CIB2: variants seen among roughly 807,000 people sequenced by gnomAD.
The protein encoded by CIB2 is calcium and integrin-binding family member 2.
CIB2 carries 19 observed loss-of-function variants against 23.1 expected under a neutral mutation model. The ratio of observed to expected loss-of-function variants is 0.82; its 90% CI spans 0.57 to 1.21. The LOEUF (loss-of-function observed/expected upper bound fraction) is 1.21, where lower values mean the gene tolerates loss of function less well. Ranked by LOEUF, CIB2 falls within the 50% of genes most tolerant of loss-of-function variation. CIB2 has a pLI of 0.00. For synonymous variants in CIB2, 94 were observed against 91.7 expected, an observed-to-expected ratio of 1.03 and a Z score of -0.14; for missense variants, 220 against 241.5, an observed-to-expected ratio of 0.91 and a Z score of 0.59.
chr15:78,119,040 C>T (rs8028842), intron 2 of CIB2, among the ~76,000 whole-genome samples: 13,657 of 151,412 alleles, frequency 0.09, 1,145 homozygotes, highest in African/African-American at 0.22. Flanking sequence ...ATTAGCCGAG[C>T]GTGTTGGTAC....
rs769866130 is a variant in CIB2, at chr15:78,105,106, C to T, written c.*205G>A. 1 of 660,796 alleles carries T rather than the reference C, an allele frequency of 1.5e-6. No individual in the cohort carries two copies. The highest frequency in any genetic ancestry group is 1.8e-5 in the African/African-American group (1 of 54,592). 40.9% of individuals were successfully genotyped at this position (660,796 alleles called of 1,614,324 possible). ...GAGGCCATGGGTCCCGGGGCTGGAC[C>T]ACAGCGGGGCTGTGGGAAGGGTCCT... On this transcript the variant is annotated 3_prime_UTR_variant, in exon 6 of 6. Transcript: ENST00000258930.
chr15:78,122,319 G>T (rs1171642287), intron 2 of CIB2, among the ~76,000 whole-genome samples: 1 of 152,222 alleles, frequency 6.6e-6, no homozygotes, highest in Admixed American at 6.5e-5. Flanking sequence ...AAAGGCCGAG[G>T]CAAGGGGCTT....
chr15:78,105,251 C>G lies in CIB2; in HGVS notation c.*60G>C. ...TTTCCTGGGGAGCTTGGAGGCCACA[C>G]CCATGTGACTGCAGGGCAGGATGGT... On this transcript the variant is annotated 3_prime_UTR_variant, in exon 6 of 6. Transcript: ENST00000258930. The G allele has an allele frequency of 6.2e-7, 1 of 1,610,670 alleles. No individual in the cohort carries two copies. The highest frequency in any genetic ancestry group is 1.3e-5 in the African/African-American group (1 of 74,952).
chr15:78,108,914 C>G (rs771972877), intron 4 of CIB2, among the ~76,000 whole-genome samples: 30 of 152,256 alleles, frequency 2.0e-4, no homozygotes, highest in Non-Finnish European at 4.3e-4. Flanking sequence ...CGCCCTCTGT[C>G]AGGTCTGCCA....
In CIB2 at chr15:78,105,208, C is replaced by G. The variant is rs2074047126; in HGVS notation, c.*103G>C. On this transcript the variant is annotated 3_prime_UTR_variant, in exon 6 of 6. Coordinates refer to ENST00000258930, the MANE Select transcript of CIB2 (RefSeq NM_006383.4). ...CACAGGATATATTTGTGGTGTAAAC[C>G]CCAGAGGCTGCCACTGCTTTCCTGG... 2 of 1,504,872 alleles carry G rather than the reference C, an allele frequency of 1.3e-6. No homozygotes were observed. The highest frequency in any genetic ancestry group is 1.8e-5 in the Admixed American group (1 of 54,850). The allele number at this position is 1,504,872 out of a possible 1,614,324, so 93.2% of individuals were successfully genotyped here.
chr15:78,109,234 C>T lies in CIB2; in HGVS notation c.346+1G>A. The T allele has an allele frequency of 6.9e-7, 1 of 1,442,044 alleles. No individual in the cohort carries two copies. The highest frequency in any genetic ancestry group is 9.4e-7 in the Non-Finnish European group (1 of 1,066,654). 89.3% of individuals were successfully genotyped at this position (1,442,044 alleles called of 1,614,324 possible). A position where few individuals can be genotyped will look rare whatever the true frequency, so the allele number is the denominator to read the frequency against. ...AGGCCCCCTCCTCTAGCCCTGGTTA[C>T]CATAGATCTTGAAGGCATAGTTTGC... On this transcript the variant is annotated splice_donor_variant, in intron 4 of 5. Coordinates refer to ENST00000258930, the MANE Select transcript of CIB2 (RefSeq NM_006383.4). LOFTEE classifies it high-confidence loss of function.
At chr15:78,112,735 CA>C (rs1282586214) in intron 2 of CIB2, among the ~76,000 whole-genome samples, 1 of 152,196 alleles carries the variant, frequency 6.6e-6, no homozygotes, top group Non-Finnish European at 1.5e-5. Context: ...CTGCCACCCC[CA>C]AAGCCAGATC....
intron 2 of CIB2, chr15:78,120,703 G>T (rs2074305851): frequency 1.0e-6 from 1 of 985,508 alleles, no homozygotes; most frequent in Non-Finnish European, 1.2e-6. Context: ...TTGGAGGCGG[G>T]CTATCTGTGA....
At chr15:78,106,531 T>C (rs2074073282) in intron 4 of CIB2, among the ~76,000 whole-genome samples, 1 of 152,070 alleles carries the variant, frequency 6.6e-6, no homozygotes, top group Admixed American at 6.5e-5. Context: ...GGGAACATGG[T>C]TTGATTCTAC....
At chr15:78,131,464 G>A (rs1350232952), upstream of CIB2, 2 of 169,806 alleles carry the variant, frequency 1.2e-5, no homozygotes, top group South Asian at 4.0e-4. The surrounding 1 kb of genome is among the most constrained non-coding windows in gnomAD (Gnocchi z 5.8). Flanking sequence ...ACCCGGCTCC[G>A]CGGCTGCAGC....
intron 2 of CIB2, among the ~76,000 whole-genome samples, chr15:78,119,429 G>C (rs924721314): frequency 6.6e-6 from 1 of 152,070 alleles, no homozygotes; most frequent in East Asian, 1.9e-4. Context: ...CAATTCTTTT[G>C]GGTATATACC....
chr15:78,105,530 T>C, intron 5 of CIB2, 198 bp from the exon 6 acceptor site: 1 of 1,481,506 alleles, frequency 6.7e-7, no homozygotes, highest in Non-Finnish European at 8.9e-7. Context: ...CCCCCACTTA[T>C]CACTGAAGGG....
intron 4 of CIB2, among the ~76,000 whole-genome samples, chr15:78,108,888 G>A (rs906818224): frequency 6.7e-6 from 1 of 150,360 alleles, no homozygotes; most frequent in Non-Finnish European, 1.5e-5. Flanking sequence ...GCGCTTCCCT[G>A]TGTCTGCATG....
intron 2 of CIB2, among the ~76,000 whole-genome samples, chr15:78,119,729 T>C (rs1406753344): frequency 6.6e-6 from 1 of 151,522 alleles, no homozygotes; most frequent in Non-Finnish European, 1.5e-5. Context: ...CACACCACCA[T>C]GCCCAGCTAA....
At chr15:78,118,813 G>T (rs1032962444) in intron 2 of CIB2, among the ~76,000 whole-genome samples, 2 of 152,118 alleles carry the variant, frequency 1.3e-5, no homozygotes, top group South Asian at 4.2e-4. Flanking sequence ...CTGAAACTCT[G>T]TACTAATCAA....
At chr15:78,108,095 T>C (rs2074097755) in intron 4 of CIB2, among the ~76,000 whole-genome samples, 1 of 150,530 alleles carries the variant, frequency 6.6e-6, no homozygotes, top group East Asian at 1.9e-4. Flanking sequence ...TCGTTTGAAC[T>C]TGGGAGGCTG....
chr15:78,126,141 C>CA (rs1555427589), intron 1 of CIB2, among the ~76,000 whole-genome samples: 1 of 88,330 alleles, frequency 1.1e-5, no homozygotes, highest in African/African-American at 4.7e-5. Context: ...CTTTCCCCTG[C>CA]CCCCCCCCCT....
Position 78,109,357 on chromosome 15 carries a change from A to T in CIB2, c.224T>A (p.Val75Glu). Reference protein sequence around the residue: ...LRENPFKERIVAAFSEDGEGN... With the variant: ...LRENPFKERIEAAFSEDGEGN... ...CTCACCATCCTCGGAAAACGCCGCC[A>T]CGATCCTTTCTTTGAAGGGATTCTC... The change falls in exon 4 of 6, where the codon GTG becomes GAG. Residue 75 changes from valine (V) to glutamate (E), a missense_variant. Transcript: ENST00000258930. 1 of 1,614,072 alleles carries T rather than the reference A, an allele frequency of 6.2e-7. No individual in the cohort carries two copies. Among genetic ancestry groups the T allele is most frequent in the Non-Finnish European group, 8.5e-7 (1 of 1,180,018 alleles).
intron 1 of CIB2, 120 bp from the exon 2 acceptor site, chr15:78,123,859 T>C (rs1470780949): frequency 1.3e-5 from 15 of 1,122,710 alleles, no homozygotes; most frequent in Middle Eastern, 2.0e-4. Context: ...GAAGAGTCAC[T>C]ACTATCCCTT....
Sources: allele counts gnomAD v4.1 joint callset (sites outside exome capture counted in the v4.1 genomes callset), GRCh38; gene constraint gnomAD v4.1.1; non-coding constraint Gnocchi (gnomAD v3.1); transcripts MANE v1.5; gene names NCBI Gene and HGNC (gene_info 2026-07-23, HGNC 2026-07-21).